The following ATP8A2 variants were observed in gnomAD, a reference collection of about 807,000 sequenced individuals.
The protein encoded by ATP8A2 is ATPase phospholipid transporting 8A2.
In ATP8A2, 100 loss-of-function variants were observed where a neutral mutation model predicts 165.6. That is an observed-to-expected ratio of 0.60 (90% confidence interval 0.51 to 0.71). The LOEUF (loss-of-function observed/expected upper bound fraction) is 0.71, where lower values mean the gene tolerates loss of function less well. ATP8A2 is among the 30% of genes least tolerant of loss of function. The pLI, the probability that ATP8A2 is intolerant of heterozygous loss-of-function variation, is 0.00. For synonymous variants in ATP8A2, 543 were observed against 548.8 expected, an observed-to-expected ratio of 0.99 and a Z score of 0.15; for missense variants, 1,227 against 1,479.5, an observed-to-expected ratio of 0.83 and a Z score of 2.80.
chr13:26,019,758 C>T (rs925351171), intron 36 of ATP8A2, 130 bp from the exon 37 acceptor site: 6 of 629,622 alleles, frequency 9.5e-6, no homozygotes, highest in Admixed American at 5.7e-5. Context: ...AAGCCTCCAC[C>T]TATCCAAGGC....
intron 2 of ATP8A2, among the ~76,000 whole-genome samples, chr13:25,490,636 C>T (rs896468609): frequency 2.0e-5 from 3 of 152,156 alleles, no homozygotes; most frequent in Admixed American, 6.5e-5. Flanking sequence ...TAATCATCTC[C>T]GTGTACCAGC....
At chr13:25,780,279 A>G (rs1056214156) in intron 27 of ATP8A2, among the ~76,000 whole-genome samples, 3 of 152,212 alleles carry the variant, frequency 2.0e-5, no homozygotes, top group Non-Finnish European at 2.9e-5. Flanking sequence ...GGTTCCTAAT[A>G]CAAAGAATAA....
Position 25,372,236 on chromosome 13 carries a change from C to G in ATP8A2, c.24C>G (p.Asp8Glu). MLNGAGL[D>E]KALKMSLPRR... The stretch of plus-strand genomic sequence containing the variant: ...AGATGCTGAACGGCGCAGGCCTGGA[C>G]AAAGCTCTTAAGATGTCCCTGCCGC... Residue 8 changes from aspartate to glutamate, a missense_variant, in exon 1 of 37, where the codon GAC (aspartate) becomes GAG (glutamate). By Grantham distance (45) the Asp-to-Glu change is conservative (BLOSUM62 2). This residue lies in a region of ATP8A2 where 356 missense variants were observed against 394.9 expected (regional missense o/e 0.90). Coordinates refer to ENST00000381655, the MANE Select transcript of ATP8A2 (RefSeq NM_016529.6). This position sits in a 1 kb window ranked among gnomAD's most constrained non-coding sequence, Gnocchi z 4.8. 2 of 1,468,666 alleles carry G rather than the reference C, an allele frequency of 1.4e-6. No individual in the cohort carries two copies. Among genetic ancestry groups the G allele is most frequent in the Non-Finnish European group, 1.8e-6 (2 of 1,105,560 alleles). The allele number at this position is 1,468,666 out of a possible 1,614,324, so 91.0% of individuals were successfully genotyped here. A position where few individuals can be genotyped will look rare whatever the true frequency, so the allele number is the denominator to read the frequency against.
chr13:25,947,037 C>T (rs571863871), intron 33 of ATP8A2, among the ~76,000 whole-genome samples: 11 of 152,292 alleles, frequency 7.2e-5, no homozygotes, highest in Middle Eastern at 6.8e-3. Flanking sequence ...CGTGAGCCAC[C>T]GCCCCCGGCC....
chr13:25,564,432 G>A (rs1190057425), intron 16 of ATP8A2, among the ~76,000 whole-genome samples: 7 of 152,136 alleles, frequency 4.6e-5, no homozygotes, highest in African/African-American at 9.7e-5. Context: ...ATAACAGGTG[G>A]CATTTATTGC....
At chr13:25,510,475 C>T (rs1394464809) in intron 2 of ATP8A2, among the ~76,000 whole-genome samples, 1 of 152,218 alleles carries the variant, frequency 6.6e-6, no homozygotes. Flanking sequence ...CTGGACTCTT[C>T]GATTTCCCTG....
intron 1 of ATP8A2, among the ~76,000 whole-genome samples, chr13:25,465,204 A>G (rs556264836): frequency 6.6e-6 from 1 of 152,304 alleles, no homozygotes; most frequent in African/African-American, 2.4e-5. Flanking sequence ...TAGATGGTGT[A>G]ATGTTTCCTT....
chr13:25,670,133 A>G (rs1469100892), intron 24 of ATP8A2, among the ~76,000 whole-genome samples: 1 of 152,166 alleles, frequency 6.6e-6, no homozygotes, highest in South Asian at 2.1e-4. Context: ...ATTAACTCCT[A>G]GAGTTCTGAA....
chr13:25,856,610 C>A (rs929491715), intron 30 of ATP8A2, among the ~76,000 whole-genome samples: 7 of 152,178 alleles, frequency 4.6e-5, no homozygotes, highest in African/African-American at 7.2e-5. Context: ...AAAACATCAT[C>A]TTTTCCATTT....
chr13:25,879,250 A>G (rs1273120835), intron 33 of ATP8A2, among the ~76,000 whole-genome samples: 4 of 152,194 alleles, frequency 2.6e-5, no homozygotes, highest in African/African-American at 7.2e-5. Context: ...CAATATCTCC[A>G]GTGGTGTCAC....
At chr13:25,674,183 C>T (rs1276792368) in intron 24 of ATP8A2, among the ~76,000 whole-genome samples, 2 of 152,160 alleles carry the variant, frequency 1.3e-5, no homozygotes, top group African/African-American at 2.4e-5. Context: ...GCCACCCAAC[C>T]TCTGCCCCTG....
intron 27 of ATP8A2, among the ~76,000 whole-genome samples, chr13:25,823,589 T>A (rs1951233808): frequency 6.6e-6 from 1 of 152,180 alleles, no homozygotes; most frequent in Admixed American, 6.5e-5. Context: ...CTTTTGGTAT[T>A]GTGTACTGCT....
chr13:25,534,998 G>T (rs1368053665), intron 6 of ATP8A2, among the ~76,000 whole-genome samples: 7 of 152,182 alleles, frequency 4.6e-5, no homozygotes. Context: ...CTAACCTAAC[G>T]CAGTGCAGTT....
chr13:25,999,434 T>C (rs1956591004), intron 35 of ATP8A2, among the ~76,000 whole-genome samples: 1 of 152,180 alleles, frequency 6.6e-6, no homozygotes, highest in Non-Finnish European at 1.5e-5. Context: ...TTCATTGCTG[T>C]TCCTGCTGAA....
chr13:25,444,065 T>A (rs1232423979), intron 1 of ATP8A2, among the ~76,000 whole-genome samples: 1 of 152,242 alleles, frequency 6.6e-6, no homozygotes, highest in Non-Finnish European at 1.5e-5. Flanking sequence ...CTAGGTTAGA[T>A]CTTCTAGATC....
chr13:25,873,199 AG>A (rs1460045709), intron 33 of ATP8A2, among the ~76,000 whole-genome samples: 1 of 152,194 alleles, frequency 6.6e-6, no homozygotes, highest in Non-Finnish European at 1.5e-5. Flanking sequence ...CATCATTGAA[AG>A]GGTTTTGGCT....
chr13:25,815,067 G>C (rs1447509063), intron 27 of ATP8A2, among the ~76,000 whole-genome samples: 1 of 151,338 alleles, frequency 6.6e-6, no homozygotes, highest in Non-Finnish European at 1.5e-5. Context: ...ATGAATCAAA[G>C]ACCTAAACGT....
intron 27 of ATP8A2, among the ~76,000 whole-genome samples, chr13:25,823,742 G>T (rs546197782): frequency 6.6e-6 from 1 of 152,226 alleles, no homozygotes; most frequent in East Asian, 1.9e-4. Flanking sequence ...TTCTGTGTCT[G>T]TTGCTTGTTT....
intron 24 of ATP8A2, among the ~76,000 whole-genome samples, chr13:25,618,390 T>C (rs968869786): frequency 6.6e-6 from 1 of 152,074 alleles, no homozygotes; most frequent in African/African-American, 2.4e-5. Flanking sequence ...CCGGGTGTTG[T>C]CACTGCCCCG....
Sources: allele counts gnomAD v4.1 joint callset (sites outside exome capture counted in the v4.1 genomes callset), GRCh38; gene constraint gnomAD v4.1.1; regional missense constraint gnomAD v4.1.1; non-coding constraint Gnocchi (gnomAD v3.1); transcripts MANE v1.5; gene names NCBI Gene and HGNC (gene_info 2026-07-23, HGNC 2026-07-21).